The following TRPM3 variants were observed in gnomAD, a reference collection of about 807,000 sequenced individuals.
The protein encoded by TRPM3 is long transient receptor potential channel 3.
TRPM3 carries 77 observed loss-of-function variants against 181.2 expected under a neutral mutation model. The ratio of observed to expected loss-of-function variants is 0.42; its 90% CI spans 0.35 to 0.51. The LOEUF (loss-of-function observed/expected upper bound fraction) is 0.51. Among genes scored for constraint, TRPM3 ranks in the 20% least tolerant of loss-of-function variants. TRPM3 has a pLI of 0.01. For synonymous variants in TRPM3, 745 were observed against 796.4 expected (o/e 0.94, Z 1.09); for missense variants, 1,759 against 2,196.7 (o/e 0.80, Z 3.98).
chr9:71,293,170 A>G (rs995918054), intron 1 of TRPM3, among the ~76,000 whole-genome samples: 3 of 151,878 alleles, frequency 2.0e-5, no homozygotes, highest in Admixed American at 6.6e-5. Context: ...GTATCTACAA[A>G]AAAAAACCTT....
chr9:71,139,254 C>A (rs2074956233), intron 1 of TRPM3, among the ~76,000 whole-genome samples: 1 of 152,108 alleles, frequency 6.6e-6, no homozygotes, highest in Admixed American at 6.5e-5. Flanking sequence ...CTAAAGAGTA[C>A]ACACAGCAAT....
At position 70,621,800 on chromosome 9, in the gene TRPM3, G is replaced by A. The variant is rs545604692; in HGVS notation, c.1810-527C>T. ...AAATTCCAAGAGAATTTTGGATTCGGTGATTTTAATGAATCTACAGAAAAT... is the reference window on the plus strand; with the variant it reads ...AAATTCCAAGAGAATTTTGGATTCGATGATTTTAATGAATCTACAGAAAAT... On this transcript the variant is annotated intron_variant, in intron 14 of 25. Coordinates refer to ENST00000677713, the MANE Select transcript of TRPM3 (RefSeq NM_001366145.2). Among the ~76,000 whole-genome samples, 4 of 152,300 alleles carry A rather than the reference G, an allele frequency of 2.6e-5. No individual in the cohort carries two copies. In the South Asian group the frequency reaches 8.3e-4, roughly 32 times the overall value.
At chr9:70,942,965 T>G (rs914079480) in intron 1 of TRPM3, among the ~76,000 whole-genome samples, 1 of 152,100 alleles carries the variant, frequency 6.6e-6, no homozygotes, top group African/African-American at 2.4e-5. Context: ...CACCTGGCCA[T>G]CAAGAAAGGT....
At chr9:70,545,917 C>G (rs2044755582) in intron 25 of TRPM3, among the ~76,000 whole-genome samples, 1 of 152,174 alleles carries the variant, frequency 6.6e-6, no homozygotes, top group African/African-American at 2.4e-5. Flanking sequence ...AGTTTCTTCT[C>G]TTTTCCAGGA....
chr9:71,281,116 G>A (rs2084670959), intron 1 of TRPM3, among the ~76,000 whole-genome samples: 1 of 152,152 alleles, frequency 6.6e-6, no homozygotes, highest in Non-Finnish European at 1.5e-5. Context: ...GAATATCCTG[G>A]AGGAAGAGGC....
At chr9:70,966,275 G>A (rs1175858263) in intron 1 of TRPM3, among the ~76,000 whole-genome samples, 2 of 151,960 alleles carry the variant, frequency 1.3e-5, no homozygotes, top group African/African-American at 4.8e-5. Context: ...AGAAAAGGGA[G>A]CACTGTTACA....
chr9:70,912,683 C>G (rs1327272713), intron 1 of TRPM3, among the ~76,000 whole-genome samples: 1 of 152,108 alleles, frequency 6.6e-6, no homozygotes, highest in Non-Finnish European at 1.5e-5. Context: ...CTTGAGAAAA[C>G]AGACTTGAAG....
At chr9:70,636,166 T>C (rs2057149662) in intron 11 of TRPM3, among the ~76,000 whole-genome samples, 1 of 152,132 alleles carries the variant, frequency 6.6e-6, no homozygotes, top group Non-Finnish European at 1.5e-5. Context: ...ATGTAACAAA[T>C]GAGCTTGGTT....
intron 1 of TRPM3, among the ~76,000 whole-genome samples, chr9:71,258,308 C>G (rs1039697976): frequency 6.6e-6 from 1 of 152,100 alleles, no homozygotes; most frequent in Non-Finnish European, 1.5e-5. Flanking sequence ...GGACTTGAAC[C>G]CAGGTAGCCT....
intron 1 of TRPM3, among the ~76,000 whole-genome samples, chr9:71,044,352 C>T (rs972967459): frequency 3.3e-5 from 5 of 152,130 alleles, no homozygotes; most frequent in African/African-American, 1.2e-4. Flanking sequence ...AGAAGAAAAC[C>T]CAAAGACTCA....
At chr9:70,667,392 G>A (rs1319654189) in intron 9 of TRPM3, among the ~76,000 whole-genome samples, 1 of 152,140 alleles carries the variant, frequency 6.6e-6, no homozygotes, top group Non-Finnish European at 1.5e-5. Flanking sequence ...CAAGCTGCCA[G>A]CACACTGGGA....
intron 8 of TRPM3, among the ~76,000 whole-genome samples, chr9:70,749,298 G>A (rs2075725043): frequency 6.6e-6 from 1 of 152,114 alleles, no homozygotes; most frequent in African/African-American, 2.4e-5. Flanking sequence ...TATTGCAAAT[G>A]AGAACCAGCT....
chr9:71,141,894 T>C (rs1472370055), intron 1 of TRPM3, among the ~76,000 whole-genome samples: 5 of 149,796 alleles, frequency 3.3e-5, no homozygotes, highest in Admixed American at 6.6e-5. Flanking sequence ...AATATTTTTG[T>C]TGCTGTACTT....
chr9:70,657,197 G>A (rs1371142318), intron 9 of TRPM3, among the ~76,000 whole-genome samples: 3 of 98,450 alleles, frequency 3.0e-5, no homozygotes, highest in African/African-American at 1.4e-4. Context: ...TGGGCTTGAG[G>A]TAAAAAAAAA....
intron 2 of TRPM3, among the ~76,000 whole-genome samples, chr9:70,863,929 C>CAT (rs1332750895): frequency 6.6e-6 from 1 of 152,016 alleles, no homozygotes; most frequent in Non-Finnish European, 1.5e-5. Context: ...GCATTTCAGA[C>CAT]ATATATATGC....
At chr9:71,020,767 A>C (rs1188996615) in intron 1 of TRPM3, among the ~76,000 whole-genome samples, 1 of 152,208 alleles carries the variant, frequency 6.6e-6, no homozygotes, top group Non-Finnish European at 1.5e-5. Flanking sequence ...ATTCTCATAC[A>C]CTTTGGTGAG....
At chr9:70,928,610 C>T (rs2096744301) in intron 1 of TRPM3, among the ~76,000 whole-genome samples, 2 of 152,164 alleles carry the variant, frequency 1.3e-5, no homozygotes, top group South Asian at 4.1e-4. Context: ...TCTCTGTTGA[C>T]TTCATTGTAG....
In TRPM3 at chr9:70,625,055, T is replaced by G; in HGVS notation, c.1809+136A>C. On this transcript the variant is annotated intron_variant, in intron 14 of 25. Transcript: ENST00000677713. The surrounding 1 kb of genome is among the most constrained non-coding windows in gnomAD (Gnocchi z 4.8). ...ATAAGATTAATTTGAATTTCATTACTTTTCTTTGATTGTTTAGGTTCACTC... is the reference window on the plus strand; with the variant it reads ...ATAAGATTAATTTGAATTTCATTACGTTTCTTTGATTGTTTAGGTTCACTC... 11 of 984,014 alleles carry G rather than the reference T, an allele frequency of 1.1e-5. No homozygotes were observed. In the South Asian group the frequency reaches 2.2e-4, roughly 20 times the overall value. The allele number at this position is 984,014 out of a possible 1,614,324, so 61.0% of individuals were successfully genotyped here.
chr9:70,970,400 C>T (rs189209980), intron 1 of TRPM3, among the ~76,000 whole-genome samples: 5 of 152,240 alleles, frequency 3.3e-5, no homozygotes, highest in African/African-American at 4.8e-5. Context: ...CAATTAAATC[C>T]GTACAAAGGT....
Sources: allele counts gnomAD v4.1 joint callset (sites outside exome capture counted in the v4.1 genomes callset), GRCh38; gene constraint gnomAD v4.1.1; non-coding constraint Gnocchi (gnomAD v3.1); transcripts MANE v1.5; gene names NCBI Gene and HGNC (gene_info 2026-07-23, HGNC 2026-07-21).